Variants in HK1 observed in about 807,000 individuals in gnomAD.
The protein encoded by HK1 is hexokinase 1.
A neutral mutation model predicts 91.6 loss-of-function variants in HK1; 28 were observed. The ratio of observed to expected loss-of-function variants is 0.31; its 90% confidence interval spans 0.23 to 0.42. HK1 has a LOEUF of 0.42. Among genes scored for constraint, HK1 ranks in the 10% least tolerant of loss-of-function variants. The pLI, the probability that HK1 is intolerant of heterozygous loss-of-function variation, is 1.00. For synonymous variants in HK1, 430 were observed against 468.1 expected (o/e 0.92, Z 1.05); for missense variants, 770 against 1,219.8 (o/e 0.63, Z 5.49).
At chr10:69,378,308 T>G (rs1249070134) in intron 8 of HK1, among the ~76,000 whole-genome samples, 3 of 142,252 alleles carry the variant, frequency 2.1e-5, no homozygotes, top group African/African-American at 7.6e-5. Flanking sequence ...AAAGGCTATC[T>G]CAAAAAAAAA....
chr10:69,382,424 G>A (rs1364386530), intron 9 of HK1, 63 bp from the exon 10 acceptor site: 4 of 1,515,090 alleles, frequency 2.6e-6, no homozygotes, highest in Non-Finnish European at 3.7e-6. Flanking sequence ...AGAAAGGGTG[G>A]CCGGAGGTCC....
At chr10:69,321,547 G>A (rs1027670664) in intron 1 of HK1, among the ~76,000 whole-genome samples, 5 of 152,276 alleles carry the variant, frequency 3.3e-5, no homozygotes, top group South Asian at 2.1e-4. Context: ...GGCAGCCTCC[G>A]GGGCTCTGGA....
chr10:69,276,638 G>A (rs140884780), intron 1 of HK1, among the ~76,000 whole-genome samples: 7 of 151,654 alleles, frequency 4.6e-5, no homozygotes, highest in Admixed American at 3.9e-4. Context: ...CAGCCTGGGT[G>A]ACATAGTAAG....
chr10:69,308,739 T>C (rs573139061), intron 5 of HK1, among the ~76,000 whole-genome samples: 4 of 152,120 alleles, frequency 2.6e-5, no homozygotes, highest in Non-Finnish European at 5.9e-5. Flanking sequence ...TATAAAACAA[T>C]ATGAGAGGGT....
At position 69,318,871 on chromosome 10, in the gene HK1, C is replaced by T; in HGVS notation, c.-77C>T. On this transcript the variant is annotated 5_prime_UTR_variant, in exon 1 of 18. Coordinates refer to ENST00000359426, the MANE Select transcript of HK1 (RefSeq NM_000188.3). ...GGAGGAGGAGCCGCCGAGCAGCCGC[C>T]GGAGGACCACGGCTCGCCAGGGCTG... 7 of 1,514,054 alleles carry T rather than the reference C, an allele frequency of 4.6e-6. No homozygotes were observed. Among genetic ancestry groups the T allele is most frequent in the Admixed American group, 2.1e-5 (1 of 47,088 alleles). The allele number at this position is 1,514,054 out of a possible 1,614,324, so 93.8% of individuals were successfully genotyped here.
chr10:69,301,890 T>C (rs926773115), intron 5 of HK1, among the ~76,000 whole-genome samples: 2 of 152,072 alleles, frequency 1.3e-5, no homozygotes, highest in African/African-American at 4.8e-5. Flanking sequence ...ATGGAAGGGG[T>C]GCCGAATAGC....
chr10:69,363,287 G>C (rs746490786), intron 3 of HK1, among the ~76,000 whole-genome samples: 1 of 152,218 alleles, frequency 6.6e-6, no homozygotes, highest in Non-Finnish European at 1.5e-5. Flanking sequence ...TATACGCTCA[G>C]GTTGGATTAC....
At chr10:69,275,351 T>C (rs1311385034) in intron 1 of HK1, among the ~76,000 whole-genome samples, 3 of 151,416 alleles carry the variant, frequency 2.0e-5, no homozygotes, top group Admixed American at 1.3e-4. Flanking sequence ...CGAGACCCCA[T>C]CTCTACTAGA....
rs1589567299 is a variant in HK1 at position 69,380,152 on chromosome 10, C to T, written c.1265+57C>T. The T allele has an allele frequency of 3.6e-6, 5 of 1,386,014 alleles. No homozygotes were observed. The East Asian group carries it at 6.9e-5, about 19-fold the overall frequency. The allele number at this position is 1,386,014 out of a possible 1,614,324, so 85.9% of individuals were successfully genotyped here. A position where few individuals can be genotyped will look rare whatever the true frequency, so the allele number is the denominator to read the frequency against. ...TGTACCCATTGTGGGTAGGGACCTT[C>T]TCCAGAGATCAGACTTTTGTACCCG... On this transcript the variant is annotated intron_variant, in intron 9 of 17. Coordinates refer to ENST00000359426, the MANE Select transcript of HK1 (RefSeq NM_000188.3). This position sits in a 1 kb window ranked among gnomAD's most constrained non-coding sequence, Gnocchi z 4.0.
chr10:69,295,590 AAAATG>A (rs1845524322), intron 3 of HK1: 2 of 1,404,726 alleles, frequency 1.4e-6, no homozygotes, highest in Non-Finnish European at 2.0e-6. Flanking sequence ...GCAAGTTGCT[AAAATG>A]CATTTGTAAC....
chr10:69,294,104 A>G (rs1052983252), intron 3 of HK1, among the ~76,000 whole-genome samples: 58 of 151,068 alleles, frequency 3.8e-4, no homozygotes, highest in South Asian at 1.5e-3. Context: ...CTTGTGATCC[A>G]CCCGCCTCGG....
chr10:69,332,989 C>T (rs1016909449), intron 1 of HK1, among the ~76,000 whole-genome samples: 4 of 152,062 alleles, frequency 2.6e-5, no homozygotes, highest in South Asian at 2.1e-4. Context: ...GTCTGTGTGC[C>T]CTGGCCAAAT....
At chr10:69,287,413 G>A (rs1270363925) in intron 2 of HK1, among the ~76,000 whole-genome samples, 1 of 152,170 alleles carries the variant, frequency 6.6e-6, no homozygotes, top group Non-Finnish European at 1.5e-5. Flanking sequence ...GGGGATTATG[G>A]GGACTATGGG....
intron 4 of HK1, chr10:69,300,702 A>G (rs1845818405): frequency 5.4e-6 from 5 of 919,450 alleles, no homozygotes; most frequent in South Asian, 1.4e-5. Flanking sequence ...CTTCATCATC[A>G]CAGTGAGAAA....
At chr10:69,352,479 A>G (rs1001235656) in intron 2 of HK1, among the ~76,000 whole-genome samples, 14 of 152,332 alleles carry the variant, frequency 9.2e-5, no homozygotes, top group African/African-American at 3.1e-4. Context: ...TGGACCACAA[A>G]TAATTTAAAA....
At chr10:69,280,274 G>A (rs894860540) in intron 1 of HK1, among the ~76,000 whole-genome samples, 4 of 152,144 alleles carry the variant, frequency 2.6e-5, no homozygotes, top group Admixed American at 6.5e-5. Context: ...ACCATGCCCA[G>A]CTAATTTTTT....
intron 14 of HK1, among the ~76,000 whole-genome samples, chr10:69,390,067 C>T (rs1008156717): frequency 2.0e-5 from 3 of 152,210 alleles, no homozygotes; most frequent in African/African-American, 7.2e-5. Flanking sequence ...GGATCAGTTG[C>T]TGAGTGTCTA....
At chr10:69,365,627 C>T (rs945542434) in intron 4 of HK1, among the ~76,000 whole-genome samples, 27 of 152,222 alleles carry the variant, frequency 1.8e-4, no homozygotes, top group African/African-American at 5.3e-4. Context: ...CCTGTAATCC[C>T]AGCACTTTGG....
Position 69,307,444 on chromosome 10 carries a change from C to T in HK1, c.27+6583C>T, listed in dbSNP as rs148589545. The stretch of plus-strand genomic sequence containing the variant: ...AATCTAAGCCACGACTCAGTCTCCT[C>T]GGTGCAGGTTCTTGGACCCCTTCAC... On this transcript the variant is annotated intron_variant, in intron 5 of 21. Coordinates refer to the HK1 transcript ENST00000360289. Among the ~76,000 whole-genome samples, 295 of 152,268 alleles carry T rather than the reference C, an allele frequency of 1.9e-3. 1 individual carries two copies. The highest frequency in any genetic ancestry group is 6.2e-3 in the African/African-American group (258 of 41,544).
Sources: allele counts gnomAD v4.1 joint callset (sites outside exome capture counted in the v4.1 genomes callset), GRCh38; gene constraint gnomAD v4.1.1; non-coding constraint Gnocchi (gnomAD v3.1); transcripts MANE v1.5; gene names NCBI Gene and HGNC (gene_info 2026-07-23, HGNC 2026-07-21).